PRDM6: variants seen among roughly 807,000 people sequenced by gnomAD.
PRDM6 encodes PR/SET domain 6, also known as putative histone-lysine N-methyltransferase PRDM6.
Under a neutral mutation model 60.8 loss-of-function variants are expected in PRDM6, and 25 were observed. That is an observed-to-expected ratio of 0.41 (90% CI 0.30 to 0.57). The LOEUF (loss-of-function observed/expected upper bound fraction) is 0.57, where lower values mean the gene tolerates loss of function less well. PRDM6 is among the 20% of genes least tolerant of loss of function. PRDM6 has a pLI of 0.27. For missense variants in PRDM6, 839 were observed against 821.3 expected (o/e 1.02, Z -0.26); for synonymous variants, 407 against 357.4 (o/e 1.14, Z -1.57).
At position 123,187,242 on chromosome 5, in the gene PRDM6, A is replaced by G; in HGVS notation, c.*41A>G. On this transcript the variant is annotated 3_prime_UTR_variant, in exon 8 of 8. Transcript: ENST00000407847. ...GAATTAAACTGCAAGGAAAGTCATG[A>G]TTAAATGTCACGGACACTTAAGCAA... 2.1e-6 allele frequency: 3 copies of G among 1,457,456 alleles called. No individual in the cohort carries two copies. Among genetic ancestry groups the G allele is most frequent in the Non-Finnish European group, 2.8e-6 (3 of 1,062,394 alleles). The allele number at this position is 1,457,456 out of a possible 1,614,324, so 90.3% of individuals were successfully genotyped here.
intron 3 of PRDM6, among the ~76,000 whole-genome samples, chr5:123,123,838 C>A (rs402385): frequency 6.6e-6 from 1 of 152,058 alleles, no homozygotes; most frequent in Non-Finnish European, 1.5e-5. Context: ...GATGAGAGTT[C>A]TATGGGCTCT....
intron 3 of PRDM6, among the ~76,000 whole-genome samples, chr5:123,150,552 C>T (rs1285583114): frequency 6.6e-6 from 1 of 152,162 alleles, no homozygotes; most frequent in Admixed American, 6.5e-5. Flanking sequence ...GGGCCTCTAC[C>T]TCCTGACACG....
intron 4 of PRDM6, among the ~76,000 whole-genome samples, chr5:123,157,427 A>G (rs1260765059): frequency 6.6e-6 from 1 of 152,142 alleles, no homozygotes. Context: ...GGAGCTATAG[A>G]GGCAAATTCT....
chr5:123,162,039 G>A (rs2126877236), intron 5 of PRDM6, among the ~76,000 whole-genome samples: 1 of 152,344 alleles, frequency 6.6e-6, no homozygotes, highest in East Asian at 1.9e-4. Flanking sequence ...TGACACATTA[G>A]ATGCTGAGTG....
intron 3 of PRDM6, 144 bp from the exon 4 acceptor site, chr5:123,155,740 G>A: frequency 1.2e-6 from 1 of 813,984 alleles, no homozygotes; most frequent in Non-Finnish European, 1.8e-6. Context: ...TATTCCGGTT[G>A]AGTTGTCCAC....
chr5:123,102,331 A>C (rs1764121581), intron 3 of PRDM6, among the ~76,000 whole-genome samples: 1 of 152,178 alleles, frequency 6.6e-6, no homozygotes, highest in Non-Finnish European at 1.5e-5. Flanking sequence ...TAAAATTTTT[A>C]AGCATTATGA....
At chr5:123,135,981 G>A (rs1348725251) in intron 3 of PRDM6, among the ~76,000 whole-genome samples, 3 of 152,102 alleles carry the variant, frequency 2.0e-5, no homozygotes, top group Non-Finnish European at 1.5e-5. Context: ...TCGCACTAAA[G>A]TAAAGGAAAT....
intron 3 of PRDM6, among the ~76,000 whole-genome samples, chr5:123,119,665 A>T (rs111790411): frequency 3.5e-4 from 53 of 152,272 alleles, no homozygotes; most frequent in Non-Finnish European, 6.3e-4. Flanking sequence ...CATGCTTCAG[A>T]CCCTAAGCTG....
chr5:123,090,439 C>T lies in PRDM6; in HGVS notation c.425C>T (p.Thr142Ile), dbSNP rs1763802569. Residue 142 changes from threonine to isoleucine, a missense_variant, in exon 2 of 8, where the codon ACC (threonine) becomes ATC (isoleucine). Coordinates refer to ENST00000407847, the MANE Select transcript of PRDM6 (RefSeq NM_001136239.4). ...CCCAAGGAACTGTGCCTCGGCGCCA[C>T]CTCCGGCCCCGGGCCCGTCAAGTGC... Reference protein sequence around the residue: ...LPPKELCLGATSGPGPVKCGG... With the variant: ...LPPKELCLGAISGPGPVKCGG... 1.4e-6 allele frequency: 2 copies of T among 1,453,676 alleles called. No individual in the cohort carries two copies. The highest frequency in any genetic ancestry group is 1.4e-5 in the South Asian group (1 of 72,626). 90.0% of individuals were successfully genotyped at this position (1,453,676 alleles called of 1,614,324 possible).
At chr5:123,162,377 A>G (rs1009514043) in intron 5 of PRDM6, among the ~76,000 whole-genome samples, 1 of 152,148 alleles carries the variant, frequency 6.6e-6, no homozygotes, top group Non-Finnish European at 1.5e-5. Context: ...CCAAAAATGT[A>G]CTTTCTGGAA....
Position 123,182,106 on chromosome 5 carries a change from G to A in PRDM6, c.1673+1783G>A, listed in dbSNP as rs140070872. Among the ~76,000 whole-genome samples the A allele has an allele frequency of 1.6e-3, 239 of 152,306 alleles. 1 individual carries two copies. Among genetic ancestry groups the A allele is most frequent in the South Asian group, 9.7e-3 (47 of 4,834 alleles). On this transcript the variant is annotated intron_variant, in intron 7 of 7. Transcript: ENST00000407847. ...TGTACTATGCCACCCATGCTGTGCCGCCTGAGGCTGCAATAGCCCAAAGAG... is the reference window on the plus strand; with the variant it reads ...TGTACTATGCCACCCATGCTGTGCCACCTGAGGCTGCAATAGCCCAAAGAG...
At chr5:123,154,144 AAAAC>A (rs1464792007) in intron 3 of PRDM6, among the ~76,000 whole-genome samples, 2 of 152,138 alleles carry the variant, frequency 1.3e-5, no homozygotes, top group African/African-American at 2.4e-5. Flanking sequence ...TTTTTTTAGA[AAAAC>A]AAAAACAAAA....
At position 123,187,303 on chromosome 5, in the gene PRDM6, C is replaced by A; in HGVS notation, c.*102C>A. The A allele has an allele frequency of 1.3e-6, 1 of 797,054 alleles. No homozygotes were observed. Among genetic ancestry groups the A allele is most frequent in the Non-Finnish European group, 2.1e-6 (1 of 481,646 alleles). 49.4% of individuals were successfully genotyped at this position (797,054 alleles called of 1,614,324 possible). A position where few individuals can be genotyped will look rare whatever the true frequency, so the allele number is the denominator to read the frequency against. ...TTCCTCTGAGCAACTTTCAATCAGT[C>A]CCAGAAAACCAAAAGCAGTAATAAA... On this transcript the variant is annotated 3_prime_UTR_variant, in exon 8 of 8. Coordinates refer to ENST00000407847, the MANE Select transcript of PRDM6 (RefSeq NM_001136239.4).
chr5:123,109,408 G>A (rs547833470), intron 3 of PRDM6, among the ~76,000 whole-genome samples: 5 of 152,162 alleles, frequency 3.3e-5, no homozygotes, highest in East Asian at 1.9e-4. Flanking sequence ...TTTTCAGTTC[G>A]ATTTTAATGG....
At position 123,187,815 on chromosome 5, in the gene PRDM6, C is replaced by G. The variant is rs560246289; in HGVS notation, c.*614C>G. On this transcript the variant is annotated 3_prime_UTR_variant, in exon 8 of 8. Coordinates refer to ENST00000407847, the MANE Select transcript of PRDM6 (RefSeq NM_001136239.4). ...CACGGTTTCTTCCAAACAGCCCGGT[C>G]TTGATGCAGGAGAGTCTGGAAAAGG... is the stretch of plus-strand genomic sequence containing the variant. The G allele has an allele frequency of 7.2e-5, 11 of 152,316 alleles. No individual in the cohort carries two copies. Among genetic ancestry groups the G allele is most frequent in the African/African-American group, 2.6e-4 (11 of 41,536 alleles). The allele number at this position is 152,316 out of a possible 1,614,324, so 9.4% of individuals were successfully genotyped here.
intron 3 of PRDM6, among the ~76,000 whole-genome samples, chr5:123,144,340 C>T (rs1043710497): frequency 2.0e-5 from 3 of 152,192 alleles, no homozygotes; most frequent in Admixed American, 6.5e-5. Flanking sequence ...TTTTCGAATT[C>T]CTTTAAAAGG....
Position 123,167,951 on chromosome 5 carries a change from C to T in PRDM6, c.1154-2815C>T, listed in dbSNP as rs192728565. 2.0e-5 allele frequency among the ~76,000 whole-genome samples: 3 copies of T among 152,258 alleles called. No individual in the cohort carries two copies. In the East Asian group the frequency reaches 5.8e-4, roughly 29 times the overall value. The stretch of plus-strand genomic sequence containing the variant: ...CTAAAACCTCGTGGGCTTCCCTGTG[C>T]TTTGCCTCTCCTGGATTAGTAATGA... On this transcript the variant is annotated intron_variant, in intron 5 of 7. Transcript: ENST00000407847.
At chr5:123,119,809 T>A (rs1306323641) in intron 3 of PRDM6, among the ~76,000 whole-genome samples, 1 of 152,208 alleles carries the variant, frequency 6.6e-6, no homozygotes. Flanking sequence ...GTTTGGAAAT[T>A]AAGCAACAGA....
In PRDM6 at chr5:123,159,521, A is replaced by G; in HGVS notation, c.1036A>G (p.Ile346Val). ...TTCTTTTGTTTTGAATAGGTCGAATATATTCTACCGAGCCTGTATAGATAT... is the reference window on the plus strand; with the variant it reads ...TTCTTTTGTTTTGAATAGGTCGAATGTATTCTACCGAGCCTGTATAGATAT... The part of the protein sequence containing the change: ...NLTVVQYRSN[I>V]FYRACIDIPR... Residue 346 changes from isoleucine to valine, a missense_variant, in exon 5 of 8, where the codon ATA (isoleucine) becomes GTA (valine). By Grantham distance (29) the Ile-to-Val change is conservative. Around this residue, in one of 2 missense-constraint regions of PRDM6, gnomAD observed 730 missense variants for 648.8 expected, o/e 1.13. Coordinates refer to ENST00000407847, the MANE Select transcript of PRDM6 (RefSeq NM_001136239.4). 1 of 1,551,288 alleles carries G rather than the reference A, an allele frequency of 6.4e-7. No homozygotes were observed. Among genetic ancestry groups the G allele is most frequent in the South Asian group, 1.2e-5 (1 of 84,016 alleles).
Sources: gnomAD v4.1 joint callset for allele counts (sites outside exome capture counted in the v4.1 genomes callset) on GRCh38, gnomAD v4.1.1 for gene constraint, gnomAD v4.1.1 regional missense constraint, MANE v1.5 for transcripts, NCBI Gene and HGNC (gene_info 2026-07-23, HGNC 2026-07-21) for gene names.